The following ALOX12 variants were observed in gnomAD, a reference collection of about 807,000 sequenced individuals.
ALOX12 encodes polyunsaturated fatty acid lipoxygenase ALOX12.
A neutral mutation model predicts 85.5 loss-of-function variants in ALOX12; 62 were observed. That is an observed-to-expected ratio of 0.73 (90% confidence interval 0.59 to 0.90). ALOX12 has a LOEUF of 0.90. Ranked by LOEUF, ALOX12 falls within the 40% of genes least tolerant of loss-of-function variation. The probability of loss-of-function intolerance (pLI) is 0.00; values close to 1 mark genes in which losing one functional copy is unlikely to be tolerated. For missense variants in ALOX12, 751 were observed against 856.5 expected (o/e 0.88, Z 1.54); for synonymous variants, 299 against 332.7 (o/e 0.90, Z 1.10).
chr17:6,999,755 G>A (rs984745019), intron 6 of ALOX12, among the ~76,000 whole-genome samples: 27 of 152,286 alleles, frequency 1.8e-4, no homozygotes, highest in African/African-American at 6.5e-4. Context: ...AGTGTTCATG[G>A]GCAGGGAGAA....
intron 2 of ALOX12, among the ~76,000 whole-genome samples, chr17:6,997,517 C>T (rs1908505780): frequency 6.6e-6 from 1 of 151,164 alleles, no homozygotes; most frequent in Admixed American, 6.6e-5. Context: ...CACACTGGCC[C>T]GCAGGAGACG....
intron 11 of ALOX12, among the ~76,000 whole-genome samples, chr17:7,008,389 A>G (rs1429964705): frequency 6.6e-6 from 1 of 152,232 alleles, no homozygotes; most frequent in Admixed American, 6.5e-5. Flanking sequence ...CCTTTTCCCA[A>G]CTATGCAGTC....
At chr17:7,004,122 T>A (rs922947740) in intron 8 of ALOX12, among the ~76,000 whole-genome samples, 18 of 142,544 alleles carry the variant, frequency 1.3e-4, no homozygotes, top group African/African-American at 4.5e-4. Context: ...ATTTTAATTT[T>A]AATTTTAAAT....
rs571889179 is a variant in ALOX12 at position 6,996,049 on chromosome 17, G to A, written c.-69G>A. The stretch of plus-strand genomic sequence containing the variant: ...AGGTTGGAAGTGGCCCCGAGGCGCC[G>A]GCAGCCCTGGGCGGTCCCGGGAATC... On this transcript the variant is annotated 5_prime_UTR_variant, in exon 1 of 14. Transcript: ENST00000251535. The A allele has an allele frequency of 4.4e-4, 547 of 1,232,822 alleles. 1 individual carries two copies. In the African/African-American group the frequency reaches 7.4e-3, roughly 17 times the overall value. The allele number at this position is 1,232,822 out of a possible 1,614,324, so 76.4% of individuals were successfully genotyped here. A position where few individuals can be genotyped will look rare whatever the true frequency, so the allele number is the denominator to read the frequency against.
chr17:7,007,464 G>A lies in ALOX12; in HGVS notation c.1540+857G>A, dbSNP rs1909144608. ...CCTTATGGCGAATCCTGGGAATGTG[G>A]CAAACCTCCTTACCCTGGAGGGAGC... On this transcript the variant is annotated intron_variant, in intron 11 of 13. Coordinates refer to ENST00000251535, the MANE Select transcript of ALOX12 (RefSeq NM_000697.3). Among the ~76,000 whole-genome samples the A allele has an allele frequency of 8.5e-5, 13 of 152,298 alleles. No homozygotes were observed. In the South Asian group the frequency reaches 2.7e-3, roughly 32 times the overall value.
chr17:7,005,608 G>C (rs746308885), intron 9 of ALOX12, among the ~76,000 whole-genome samples: 2 of 150,464 alleles, frequency 1.3e-5, no homozygotes, highest in Non-Finnish European at 1.5e-5. Flanking sequence ...AGCCTCCCGA[G>C]TAGCTGGGAT....
chr17:6,999,249 T>C, intron 5 of ALOX12, 57 bp from the exon 6 acceptor site: 1 of 1,607,922 alleles, frequency 6.2e-7, no homozygotes, highest in Non-Finnish European at 8.5e-7. Flanking sequence ...GGGTAGATTT[T>C]GGAGAAGGGA....
intron 8 of ALOX12, among the ~76,000 whole-genome samples, chr17:7,003,178 C>CGAG (rs1406734092): frequency 6.6e-6 from 1 of 152,212 alleles, no homozygotes; most frequent in Non-Finnish European, 1.5e-5. Context: ...TCCGTGTCTC[C>CGAG]ACTCACCACA....
Position 7,005,901 on chromosome 17 carries a change from G to T in ALOX12, c.1292G>T (p.Arg431Leu). The change falls in exon 10 of 14, where the codon CGG (arginine) becomes CTG (leucine). Residue 431 changes from arginine to leucine, a missense_variant. Arg to Leu is a moderately radical substitution (Grantham distance 102). Transcript: ENST00000251535. Reference protein sequence around the residue: ...GGGGHVQLLRRAAAQLTYCSL... With the variant: ...GGGGHVQLLRLAAAQLTYCSL... ...GGGGGCCATGTACAGTTGCTCCGTC[G>T]GGCGGCAGCTCAGCTGACCTACTGC... The T allele has an allele frequency of 6.2e-7, 1 of 1,613,406 alleles. No homozygotes were observed. The highest frequency in any genetic ancestry group is 2.2e-5 in the East Asian group (1 of 44,848).
chr17:6,998,692 G>A, intron 3 of ALOX12, 23 bp from the exon 4 acceptor site: 1 of 1,609,888 alleles, frequency 6.2e-7, no homozygotes, highest in East Asian at 2.2e-5. Flanking sequence ...CATCCTTCCT[G>A]AAGCTTTGTC....
At chr17:7,001,577 G>A (rs946707476) in intron 7 of ALOX12, 25 bp from the exon 8 acceptor site, 1 of 1,582,226 alleles carries the variant, frequency 6.3e-7, no homozygotes, top group Non-Finnish European at 8.7e-7. Flanking sequence ...CGGAATGGGA[G>A]TTCAATAATT....
chr17:6,996,792 C>A, intron 1 of ALOX12, 34 bp from the exon 2 acceptor site: 1 of 1,585,036 alleles, frequency 6.3e-7, no homozygotes, highest in East Asian at 2.3e-5. Flanking sequence ...TCGGGTCCCT[C>A]CTACTAAGTC....
rs1567721647 is a variant in ALOX12, at chr17:7,010,432, GT to G, written c.*10del. ...ACAGTGTCACCATCTGAGCCCTAGA[GT>G]GACTCTACCTGCAAGATTTCACATC... On this transcript the variant is annotated 3_prime_UTR_variant, in exon 14 of 14. Transcript: ENST00000251535. 2 of 1,609,662 alleles carry G rather than the reference GT, an allele frequency of 1.2e-6. No individual in the cohort carries two copies. Among genetic ancestry groups the G allele is most frequent in the Non-Finnish European group, 1.7e-6 (2 of 1,177,810 alleles).
rs1126667 is a variant in ALOX12 at position 6,999,441 on chromosome 17, A to G, written c.782A>G (p.Gln261Arg). Reference sequence around the variant, plus strand: ...CTGCCCTCGGGGATGGAAGAGCTTCAGGCTCAACTGGAGAAAGAACTTCAG... The same window carrying G: ...CTGCCCTCGGGGATGGAAGAGCTTCGGGCTCAACTGGAGAAAGAACTTCAG... ...LVLPSGMEEL[Q>R]AQLEKELQNG... The change falls in exon 6 of 14, where the codon CAG (glutamine) becomes CGG (arginine). Residue 261 changes from glutamine (Q) to arginine (R), a missense_variant. By Grantham distance (43) the Gln-to-Arg change is conservative. Coordinates refer to ENST00000251535, the MANE Select transcript of ALOX12 (RefSeq NM_000697.3). 0.58 allele frequency: 941,975 copies of G among 1,612,702 alleles called. 276,802 individuals carry two copies. The highest frequency in any genetic ancestry group is 0.69 in the Admixed American group (41,283 of 59,998).
At chr17:6,999,212 A>T in intron 5 of ALOX12, 94 bp from the exon 6 acceptor site, 3 of 1,552,516 alleles carry the variant, frequency 1.9e-6, no homozygotes, top group Non-Finnish European at 2.6e-6. Flanking sequence ...AGCTGGGTTC[A>T]GGGAGGGTTA....
chr17:6,999,013 A>C lies in ALOX12; in HGVS notation c.603A>C (p.Glu201Asp), dbSNP rs1192753292. Residue 201 changes from glutamate to aspartate, a missense_variant, in exon 5 of 14, where the codon GAA (glutamate) becomes GAC (aspartate). Physicochemically the swap from Glu to Asp is conservative, Grantham distance 45. Transcript: ENST00000251535. ...TCCTGAGCTCCTGGAACTGCCTAGA[A>C]GACTTTGATCAGATCTTCTGGGGCC... The part of the protein sequence containing the change: ...YTLLSSWNCL[E>D]DFDQIFWGQK... 1 of 1,614,058 alleles carries C rather than the reference A, an allele frequency of 6.2e-7. No homozygotes were observed. The highest frequency in any genetic ancestry group is 1.1e-5 in the South Asian group (1 of 91,068).
At chr17:7,002,847 G>T (rs925544597) in intron 8 of ALOX12, among the ~76,000 whole-genome samples, 26 of 152,122 alleles carry the variant, frequency 1.7e-4, no homozygotes, top group African/African-American at 6.0e-4. Context: ...AGAAACCAGA[G>T]TCAGCAAAAA....
chr17:6,998,041 TA>T (rs887889976), intron 2 of ALOX12, among the ~76,000 whole-genome samples: 212 of 142,978 alleles, frequency 1.5e-3, no homozygotes, highest in Non-Finnish European at 1.2e-3. Flanking sequence ...AGATGAGGTT[TA>T]AAAAAAAAAA....
chr17:6,997,733 A>AT (rs11571331), intron 2 of ALOX12, among the ~76,000 whole-genome samples: 7,353 of 150,886 alleles, frequency 0.049, 253 homozygotes, highest in Non-Finnish European at 0.068. Context: ...AATTTTTTAT[A>AT]TTTTTTTTAG....
Sources: allele counts gnomAD v4.1 joint callset (sites outside exome capture counted in the v4.1 genomes callset), GRCh38; gene constraint gnomAD v4.1.1; transcripts MANE v1.5; gene names NCBI Gene and HGNC (gene_info 2026-07-23, HGNC 2026-07-21).